ELP4: variants seen among roughly 807,000 people sequenced by gnomAD.
ELP4 encodes elongator acetyltransferase complex subunit 4.
Under a neutral mutation model 48.9 loss-of-function variants are expected in ELP4, and 51 were observed. The ratio of observed to expected loss-of-function variants is 1.04; its 90% confidence interval spans 0.83 to 1.32. ELP4 has a LOEUF of 1.32. Ranked by LOEUF, ELP4 falls within the 40% of genes most tolerant of loss-of-function variation. ELP4 has a pLI of 0.00. For missense variants in ELP4, 519 were observed against 514.6 expected (o/e 1.01, Z -0.08); for synonymous variants, 210 against 189.2 (o/e 1.11, Z -0.90).
At chr11:31,575,112 A>G (rs1005273458) in intron 3 of ELP4, among the ~76,000 whole-genome samples, 4 of 152,238 alleles carry the variant, frequency 2.6e-5, no homozygotes, top group Non-Finnish European at 4.4e-5. Context: ...GATGGAACTG[A>G]AAACCATGGC....
chr11:31,518,295 G>A (rs990445286), intron 1 of ELP4, among the ~76,000 whole-genome samples: 2 of 150,942 alleles, frequency 1.3e-5, no homozygotes, highest in Non-Finnish European at 3.0e-5. Context: ...TAGTAGAGAC[G>A]GCGTTTCACT....
chr11:31,720,982 G>T (rs1946947837), intron 9 of ELP4, among the ~76,000 whole-genome samples: 1 of 152,184 alleles, frequency 6.6e-6, no homozygotes. Flanking sequence ...TGCCCCATCG[G>T]TCAAAATTGC....
intron 9 of ELP4, among the ~76,000 whole-genome samples, chr11:31,658,246 A>G (rs1945479188): frequency 6.6e-6 from 1 of 151,986 alleles, no homozygotes; most frequent in Non-Finnish European, 1.5e-5. Context: ...TATATGTAAC[A>G]TTCATATTAA....
intron 3 of ELP4, among the ~76,000 whole-genome samples, chr11:31,565,148 T>A (rs1957088662): frequency 6.6e-6 from 1 of 152,242 alleles, no homozygotes; most frequent in Non-Finnish European, 1.5e-5. Context: ...CATTTTTTCA[T>A]GTGTCTGTTG....
intron 2 of ELP4, among the ~76,000 whole-genome samples, chr11:31,538,268 A>G (rs1423489132): frequency 1.3e-5 from 2 of 148,802 alleles, no homozygotes; most frequent in Non-Finnish European, 3.0e-5. Context: ...TATAAAATAT[A>G]TTAATGCAAT....
intron 9 of ELP4, among the ~76,000 whole-genome samples, chr11:31,776,638 A>G (rs531413956): frequency 6.6e-6 from 1 of 152,348 alleles, no homozygotes; most frequent in African/African-American, 2.4e-5. Context: ...AGGCAAGACA[A>G]TACTGTCAGT....
intron 5 of ELP4, among the ~76,000 whole-genome samples, chr11:31,614,667 G>A (rs1166903969): frequency 1.3e-5 from 2 of 152,126 alleles, no homozygotes; most frequent in Non-Finnish European, 2.9e-5. Flanking sequence ...TAGTGGGGAT[G>A]ATCAAAAGCA....
At chr11:31,722,635 G>T (rs1024189703) in intron 9 of ELP4, among the ~76,000 whole-genome samples, 1 of 151,074 alleles carries the variant, frequency 6.6e-6, no homozygotes, top group African/African-American at 2.4e-5. Flanking sequence ...ACTAAAACAT[G>T]AACTTTTTCC....
chr11:31,548,564 G>T (rs555070445), intron 3 of ELP4, among the ~76,000 whole-genome samples: 1 of 152,124 alleles, frequency 6.6e-6, no homozygotes, highest in Non-Finnish European at 1.5e-5. Context: ...TACTGCCCAA[G>T]GTAATTTATA....
intron 5 of ELP4, among the ~76,000 whole-genome samples, chr11:31,619,569 A>G (rs867782497): frequency 2.0e-5 from 3 of 151,860 alleles, no homozygotes; most frequent in Non-Finnish European, 2.9e-5. Flanking sequence ...ACAGGTTCCC[A>G]TGGACCTCTT....
intron 3 of ELP4, among the ~76,000 whole-genome samples, chr11:31,544,030 C>T (rs1036380315): frequency 3.9e-5 from 6 of 152,116 alleles, no homozygotes; most frequent in Non-Finnish European, 7.4e-5. Flanking sequence ...CCAAGATGGC[C>T]GAATAGGAAC....
In ELP4 at chr11:31,566,060, G is replaced by A. The variant is rs138604578; in HGVS notation, c.381+26277G>A. 2.0e-3 allele frequency among the ~76,000 whole-genome samples: 298 copies of A among 152,104 alleles called. 4 individuals are homozygous for A. The South Asian group carries it at 0.034, about 17-fold the overall frequency. ...AAGATTCATTTTCTAGGCCAGGCAC[G>A]GTGGCTCATGCTTACAACTTGCTTA... On this transcript the variant is annotated intron_variant, in intron 3 of 9. Coordinates refer to ENST00000640961, the MANE Select transcript of ELP4 (RefSeq NM_019040.5).
chr11:31,514,622 C>T (rs1956073805), intron 1 of ELP4, among the ~76,000 whole-genome samples: 1 of 152,116 alleles, frequency 6.6e-6, no homozygotes, highest in African/African-American at 2.4e-5. Context: ...TATTACTTAT[C>T]TGTAATACAT....
chr11:31,663,652 A>G (rs1178130518), intron 9 of ELP4: 1 of 152,022 alleles, frequency 6.6e-6, no homozygotes, highest in African/African-American at 2.4e-5. Flanking sequence ...CAGTAAGTTT[A>G]AGCGGGTGCT....
rs528786235 is a variant in ELP4, at chr11:31,626,677, CTT to C, written c.654-431_654-430del. On this transcript the variant is annotated intron_variant, in intron 5 of 9. Transcript: ENST00000640961. ...TAGAAGTTTGTTCTAAGAAAATTAA[CTT>C]TGATGGAAGATGAGCTCAGGTGATC... Among the ~76,000 whole-genome samples, 181 of 151,864 alleles carry C rather than the reference CTT, an allele frequency of 1.2e-3. 2 individuals are homozygous for C. The highest frequency in any genetic ancestry group is 4.1e-3 in the African/African-American group (169 of 41,486).
chr11:31,725,916 G>A (rs1293964556), intron 9 of ELP4, among the ~76,000 whole-genome samples: 2 of 152,134 alleles, frequency 1.3e-5, no homozygotes, highest in African/African-American at 4.8e-5. Flanking sequence ...AATTTTTGAT[G>A]CAGCGTCAAG....
chr11:31,737,620 A>G (rs1168822031), intron 9 of ELP4, among the ~76,000 whole-genome samples: 3 of 152,206 alleles, frequency 2.0e-5, no homozygotes, highest in African/African-American at 4.8e-5. Flanking sequence ...GAGAACGCCT[A>G]TAACTGAATA....
At chr11:31,569,057 C>T (rs1290573336) in intron 3 of ELP4, among the ~76,000 whole-genome samples, 4 of 151,454 alleles carry the variant, frequency 2.6e-5, no homozygotes, top group Non-Finnish European at 5.9e-5. Context: ...TGCACTCCAG[C>T]CTGGGCGACA....
intron 9 of ELP4, among the ~76,000 whole-genome samples, chr11:31,759,546 A>G (rs1459114822): frequency 6.6e-6 from 1 of 152,176 alleles, no homozygotes. Context: ...ACATAATTTC[A>G]CTAACTGTGT....
Sources: allele counts gnomAD v4.1 joint callset (sites outside exome capture counted in the v4.1 genomes callset), GRCh38; gene constraint gnomAD v4.1.1; transcripts MANE v1.5; gene names NCBI Gene and HGNC (gene_info 2026-07-23, HGNC 2026-07-21).